The following TMEM120B variants were observed in gnomAD, a reference collection of about 807,000 sequenced individuals.
TMEM120B encodes transmembrane protein 120B.
In TMEM120B, 31 loss-of-function variants were observed where a neutral mutation model predicts 55.5. The ratio of observed to expected loss-of-function variants is 0.56; its 90% CI spans 0.42 to 0.75. TMEM120B has a LOEUF of 0.75. TMEM120B is among the 30% of genes least tolerant of loss of function. The pLI is 0.00. For missense variants in TMEM120B, 399 were observed against 425.5 expected (o/e 0.94, Z 0.55); for synonymous variants, 203 against 176.3 (o/e 1.15, Z -1.20).
chr12:121,759,635 A>G (rs1873604170), intron 5 of TMEM120B, among the ~76,000 whole-genome samples: 1 of 151,234 alleles, frequency 6.6e-6, no homozygotes, highest in Non-Finnish European at 1.5e-5. Context: ...CCGAGATCCC[A>G]CCATTGCACT....
chr12:121,781,591 T>G lies in TMEM120B; in HGVS notation c.*5869T>G, dbSNP rs1874460252. The stretch of plus-strand genomic sequence containing the variant: ...ATTCTAGGGCTGGGGCTGGAGAAAC[T>G]GCTAGAGATGATGCCGATAGCCAGT... On this transcript the variant is annotated 3_prime_UTR_variant, in exon 12 of 12. Transcript: ENST00000449592. 1 of 216,088 alleles carries G rather than the reference T, an allele frequency of 4.6e-6. No individual in the cohort carries two copies. Among genetic ancestry groups the G allele is most frequent in the African/African-American group, 2.3e-5 (1 of 43,630 alleles). The allele number at this position is 216,088 out of a possible 1,614,324, so 13.4% of individuals were successfully genotyped here.
Position 121,780,762 on chromosome 12 carries a change from T to C in TMEM120B, c.*5040T>C, listed in dbSNP as rs1031833247. 4 of 1,253,886 alleles carry C rather than the reference T, an allele frequency of 3.2e-6. No individual in the cohort carries two copies. Among genetic ancestry groups the C allele is most frequent in the Non-Finnish European group, 4.4e-6 (4 of 915,506 alleles). The allele number at this position is 1,253,886 out of a possible 1,614,324, so 77.7% of individuals were successfully genotyped here. A position where few individuals can be genotyped will look rare whatever the true frequency, so the allele number is the denominator to read the frequency against. On this transcript the variant is annotated 3_prime_UTR_variant, in exon 12 of 12. Coordinates refer to ENST00000449592, the MANE Select transcript of TMEM120B (RefSeq NM_001080825.2). The stretch of plus-strand genomic sequence containing the variant: ...TAGTTAAAAATTATTCTTAGAATCT[T>C]GCTTCCCTCAGCTCCCTGAAAGGCC...
intron 1 of TMEM120B, among the ~76,000 whole-genome samples, chr12:121,738,283 A>C (rs1205394210): frequency 6.6e-6 from 1 of 152,022 alleles, no homozygotes; most frequent in African/African-American, 2.4e-5. Flanking sequence ...CCTCAGCCAT[A>C]GCTGTGGTGT....
At chr12:121,771,213 G>C (rs754659235) in intron 7 of TMEM120B, among the ~76,000 whole-genome samples, 1 of 152,198 alleles carries the variant, frequency 6.6e-6, no homozygotes, top group Non-Finnish European at 1.5e-5. Context: ...TGCAAGGCTG[G>C]AGGGAGCGAG....
chr12:121,726,175 G>A lies in TMEM120B; in HGVS notation c.69+13211G>A, dbSNP rs146079355. On this transcript the variant is annotated intron_variant, in intron 1 of 11. Coordinates refer to ENST00000449592, the MANE Select transcript of TMEM120B (RefSeq NM_001080825.2). ...ATTGGGTGATAGAAGGTTCTAACACGAGATGTGGTGATGGTTGTACAACCT... is the reference window on the plus strand; with the variant it reads ...ATTGGGTGATAGAAGGTTCTAACACAAGATGTGGTGATGGTTGTACAACCT... Among the ~76,000 whole-genome samples, 213 of 152,192 alleles carry A rather than the reference G, an allele frequency of 1.4e-3. 1 individual carries two copies. In the East Asian group the frequency reaches 0.037, roughly 27 times the overall value.
chr12:121,718,477 G>A (rs1013031757), intron 1 of TMEM120B, among the ~76,000 whole-genome samples: 1 of 152,180 alleles, frequency 6.6e-6, no homozygotes, highest in Admixed American at 6.6e-5. Context: ...GGGTACTCCA[G>A]CCTGGGTGAC....
Position 121,781,470 on chromosome 12 carries a change from CTT to C in TMEM120B, c.*5749_*5750del. The C allele has an allele frequency of 2.6e-6, 1 of 386,748 alleles. No homozygotes were observed. Among genetic ancestry groups the C allele is most frequent in the Non-Finnish European group, 4.8e-6 (1 of 207,238 alleles). 24.0% of individuals were successfully genotyped at this position (386,748 alleles called of 1,614,324 possible). ...TGGGTGACAGAGCGAGACCCTGTCTCTTAACAACAAAACCCATGAGCGGCAGC... is the reference window on the plus strand; with the variant it reads ...TGGGTGACAGAGCGAGACCCTGTCTCAACAACAAAACCCATGAGCGGCAGC... On this transcript the variant is annotated 3_prime_UTR_variant, in exon 12 of 12. Coordinates refer to ENST00000449592, the MANE Select transcript of TMEM120B (RefSeq NM_001080825.2).
intron 7 of TMEM120B, 84 bp downstream of exon 7, chr12:121,771,056 A>C: frequency 6.9e-7 from 1 of 1,459,666 alleles, no homozygotes; most frequent in Admixed American, 1.8e-5. Context: ...TGATCCAGAC[A>C]GCGGTGGGGG....
intron 4 of TMEM120B, 93 bp downstream of exon 4, chr12:121,750,532 C>A: frequency 1.0e-6 from 1 of 954,594 alleles, no homozygotes. Context: ...AACCCACACC[C>A]CACATCCACA....
At chr12:121,774,526 C>A in intron 9 of TMEM120B, 132 bp from the exon 10 acceptor site, 1 of 802,608 alleles carries the variant, frequency 1.2e-6, no homozygotes, top group Non-Finnish European at 2.0e-6. Context: ...CAGGTGAGGG[C>A]TGACCCCCCG....
At chr12:121,722,003 A>G (rs575358471) in intron 1 of TMEM120B, among the ~76,000 whole-genome samples, 2 of 148,396 alleles carry the variant, frequency 1.3e-5, no homozygotes, top group South Asian at 2.1e-4. Flanking sequence ...GAGTTTCACC[A>G]TGTTGGCCAG....
At chr12:121,768,536 G>A (rs1179013861) in intron 6 of TMEM120B, among the ~76,000 whole-genome samples, 3 of 152,212 alleles carry the variant, frequency 2.0e-5, no homozygotes, top group Non-Finnish European at 2.9e-5. Flanking sequence ...GCACGTGGGC[G>A]TGTGTGTGGA....
chr12:121,738,655 A>ATT (rs1872825265), intron 1 of TMEM120B, among the ~76,000 whole-genome samples: 1 of 152,146 alleles, frequency 6.6e-6, no homozygotes, highest in Non-Finnish European at 1.5e-5. Flanking sequence ...ATAACTTATT[A>ATT]ATTACCAGTG....
chr12:121,757,568 G>A (rs1339108030), intron 5 of TMEM120B, among the ~76,000 whole-genome samples: 1 of 150,678 alleles, frequency 6.6e-6, no homozygotes, highest in Non-Finnish European at 1.5e-5. Context: ...CCAGGCTGGA[G>A]TGCAGTGGCA....
At chr12:121,769,143 C>CAA (rs34286143) in intron 6 of TMEM120B, among the ~76,000 whole-genome samples, 5 of 88,970 alleles carry the variant, frequency 5.6e-5, no homozygotes, top group African/African-American at 8.4e-5. Flanking sequence ...AAGACTGTCT[C>CAA]AAAAAAAAAA....
intron 1 of TMEM120B, among the ~76,000 whole-genome samples, chr12:121,722,713 G>T (rs1290406170): frequency 2.0e-5 from 3 of 152,136 alleles, no homozygotes; most frequent in Non-Finnish European, 2.9e-5. Context: ...ACTTGCAAAG[G>T]AGTGATAAAG....
Position 121,775,711 on chromosome 12 carries a change from A to G in TMEM120B, c.1009A>G (p.Lys337Glu). The change falls in exon 12 of 12, where the codon AAG becomes GAG. Residue 337 changes from lysine to glutamate, a missense_variant. Lys to Glu is a moderately conservative substitution (Grantham distance 56). Around this residue, in one of 3 missense-constraint regions of TMEM120B, gnomAD observed 260 missense variants for 303.9 expected, o/e 0.86. Coordinates refer to ENST00000449592, the MANE Select transcript of TMEM120B (RefSeq NM_001080825.2). This position sits in a 1 kb window ranked among gnomAD's most constrained non-coding sequence, Gnocchi z 4.3. The stretch of plus-strand genomic sequence containing the variant: ...GCTCCAGAAGAACAGAGGCAAGACA[A>G]AGCAGCCGTGAGCCTCGGGCTCCTG... ...AKLQKNRGKT[K>E]QP 1 of 1,613,952 alleles carries G rather than the reference A, an allele frequency of 6.2e-7. No homozygotes were observed. The highest frequency in any genetic ancestry group is 1.3e-5 in the African/African-American group (1 of 75,036).
chr12:121,750,310 T>C (rs1873235239), intron 3 of TMEM120B, 70 bp from the exon 4 acceptor site: 3 of 1,425,194 alleles, frequency 2.1e-6, no homozygotes, highest in African/African-American at 1.4e-5. Context: ...ATTAAGTGTG[T>C]TGAGTTTGAA....
intron 6 of TMEM120B, among the ~76,000 whole-genome samples, chr12:121,766,358 G>A (rs1319623465): frequency 6.6e-6 from 1 of 152,190 alleles, no homozygotes; most frequent in Admixed American, 6.5e-5. Flanking sequence ...GACTAAACCT[G>A]AAGGGGTCTT....
Sources: gnomAD v4.1 joint callset for allele counts (sites outside exome capture counted in the v4.1 genomes callset) on GRCh38, gnomAD v4.1.1 for gene constraint, gnomAD v4.1.1 regional missense constraint, Gnocchi (gnomAD v3.1) non-coding constraint, MANE v1.5 for transcripts, NCBI Gene and HGNC (gene_info 2026-07-23, HGNC 2026-07-21) for gene names.